The following C1orf87 variants were observed in gnomAD, a reference collection of about 807,000 sequenced individuals.
C1orf87 encodes chromosome 1 open reading frame 87.
In C1orf87, 58 loss-of-function variants were observed where a neutral mutation model predicts 60.5. The observed-to-expected ratio is 0.96, with a 90% CI of 0.78 to 1.19. The LOEUF (loss-of-function observed/expected upper bound fraction) is 1.19, where lower values mean the gene tolerates loss of function less well. Ranked by LOEUF, C1orf87 falls within the 50% of genes most tolerant of loss-of-function variation. The pLI is 0.00. For missense variants in C1orf87, 673 were observed against 638.6 expected, an observed-to-expected ratio of 1.05 and a Z score of -0.58; for synonymous variants, 236 against 227.4, an observed-to-expected ratio of 1.04 and a Z score of -0.34.
chr1:60,006,179 G>A (rs1645044066), intron 9 of C1orf87, among the ~76,000 whole-genome samples: 2 of 152,174 alleles, frequency 1.3e-5, no homozygotes, highest in South Asian at 4.1e-4. Flanking sequence ...GAATGTCCAA[G>A]TAGTTGAGGG....
At chr1:60,050,615 A>C (rs1179488810) in intron 3 of C1orf87, among the ~76,000 whole-genome samples, 1 of 151,490 alleles carries the variant, frequency 6.6e-6, no homozygotes, top group Non-Finnish European at 1.5e-5. Flanking sequence ...TTTTCTAAGT[A>C]ATATGCCTGT....
intron 9 of C1orf87, among the ~76,000 whole-genome samples, chr1:60,003,388 G>A (rs1000807590): frequency 2.0e-5 from 3 of 151,974 alleles, no homozygotes; most frequent in African/African-American, 4.8e-5. Flanking sequence ...GAGTTAGTGG[G>A]TGCAGCGCAC....
chr1:60,006,890 G>T (rs1183862079), intron 9 of C1orf87, among the ~76,000 whole-genome samples: 1 of 151,120 alleles, frequency 6.6e-6, no homozygotes, highest in East Asian at 1.9e-4. Flanking sequence ...GTTAGATGTT[G>T]TCACCATTTC....
At chr1:60,068,925 T>G (rs1325478756) in intron 2 of C1orf87, among the ~76,000 whole-genome samples, 2 of 152,212 alleles carry the variant, frequency 1.3e-5, no homozygotes, top group Non-Finnish European at 2.9e-5. Context: ...AGCATGGGCC[T>G]TTAGATTTGG....
intron 7 of C1orf87, among the ~76,000 whole-genome samples, chr1:60,029,645 T>TG (rs1266857033): frequency 1.4e-5 from 2 of 144,966 alleles, no homozygotes; most frequent in East Asian, 4.1e-4. Flanking sequence ...AAGTTTTTTT[T>TG]TTTTTTTTTT....
chr1:60,032,541 A>G (rs1221166006), intron 7 of C1orf87, among the ~76,000 whole-genome samples: 1 of 148,562 alleles, frequency 6.7e-6, no homozygotes, highest in African/African-American at 2.5e-5. Flanking sequence ...AGGTTCAAGC[A>G]ATTCTCCTGC....
At chr1:60,046,574 G>T (rs1324483941) in intron 3 of C1orf87, among the ~76,000 whole-genome samples, 3 of 151,304 alleles carry the variant, frequency 2.0e-5, no homozygotes, top group Non-Finnish European at 4.4e-5. Context: ...AAGTAGTTAG[G>T]ACTAGAGGTG....
intron 3 of C1orf87, among the ~76,000 whole-genome samples, chr1:60,047,462 T>A (rs1035611972): frequency 6.6e-6 from 1 of 152,208 alleles, no homozygotes; most frequent in Non-Finnish European, 1.5e-5. Flanking sequence ...GCTTTGTATC[T>A]TCATTGCTTT....
chr1:60,055,636 G>T (rs991648237), intron 2 of C1orf87, among the ~76,000 whole-genome samples, 198 bp from the exon 3 acceptor site: 2 of 152,064 alleles, frequency 1.3e-5, no homozygotes, highest in Non-Finnish European at 2.9e-5. Flanking sequence ...ATCTTTGCAG[G>T]CTTTATCTTT....
chr1:60,027,711 T>G (rs1645209209), intron 7 of C1orf87, among the ~76,000 whole-genome samples: 1 of 146,026 alleles, frequency 6.8e-6, no homozygotes, highest in Non-Finnish European at 1.5e-5. Context: ...CAGGGAAGCT[T>G]AAAAGAGGGG....
At chr1:60,008,008 T>C (rs963928439) in intron 9 of C1orf87, among the ~76,000 whole-genome samples, 4 of 151,874 alleles carry the variant, frequency 2.6e-5, no homozygotes, top group African/African-American at 9.7e-5. Flanking sequence ...AGCTAAAGAA[T>C]AGACAGAAAA....
Position 60,065,393 on chromosome 1 carries a change from A to C in C1orf87, c.107+7144T>G, listed in dbSNP as rs74085895. 8.9e-3 allele frequency among the ~76,000 whole-genome samples: 1,356 copies of C among 152,080 alleles called. 30 individuals carry two copies. Among genetic ancestry groups the C allele is most frequent in the African/African-American group, 0.031 (1,294 of 41,450 alleles). On this transcript the variant is annotated intron_variant, in intron 2 of 11. Transcript: ENST00000371201. ...AGCTCACTGGTAGCTAACCTGGGAT[A>C]ATTCTCATTGCATAATTCTAGCTGC... is the stretch of plus-strand genomic sequence containing the variant.
At chr1:60,072,797 A>T (rs936100354) in intron 1 of C1orf87, 127 bp from the exon 2 acceptor site, 1 of 548,094 alleles carries the variant, frequency 1.8e-6, no homozygotes, top group East Asian at 3.0e-5. Context: ...CTCACTTAAC[A>T]CTCCTAACAA....
At position 60,025,408 on chromosome 1, in the gene C1orf87, C is replaced by T. The variant is rs762612884; in HGVS notation, c.1120G>A (p.Glu374Lys). Residue 374 changes from glutamate to lysine, a missense_variant, in exon 8 of 12, where the codon GAA becomes AAA. Glu to Lys is a moderately conservative substitution (Grantham distance 56, BLOSUM62 1). Coordinates refer to ENST00000371201, the MANE Select transcript of C1orf87 (RefSeq NM_152377.3). ...TAATAAGAGTTGACTTACTTTATTTCATTTTGGTAACCCAAATCTTGATGG... is the reference window on the plus strand; with the variant it reads ...TAATAAGAGTTGACTTACTTTATTTTATTTTGGTAACCCAAATCTTGATGG... ...LNHQDLGYQN[E>K]IKWQNFVEML... 8.7e-6 allele frequency: 14 copies of T among 1,611,980 alleles called. No individual in the cohort carries two copies. Among genetic ancestry groups the T allele is most frequent in the Non-Finnish European group, 1.2e-5 (14 of 1,178,436 alleles).
At chr1:59,996,418 G>A (rs971899974) in intron 11 of C1orf87, among the ~76,000 whole-genome samples, 4 of 151,960 alleles carry the variant, frequency 2.6e-5, no homozygotes, top group South Asian at 2.1e-4. Flanking sequence ...TAGTCATCAA[G>A]GATCCTTCTG....
intron 11 of C1orf87, among the ~76,000 whole-genome samples, chr1:59,993,319 A>G (rs770894798): frequency 1.6e-4 from 25 of 152,290 alleles, no homozygotes; most frequent in Non-Finnish European, 3.4e-4. Flanking sequence ...AGGTAATTAA[A>G]TTGTGTGAAA....
chr1:60,012,249 C>T (rs1645091538), intron 8 of C1orf87, among the ~76,000 whole-genome samples: 1 of 151,408 alleles, frequency 6.6e-6, no homozygotes, highest in Non-Finnish European at 1.5e-5. Flanking sequence ...CATTACACAA[C>T]ATTTATTTTT....
At chr1:60,057,204 A>G (rs575687670) in intron 2 of C1orf87, among the ~76,000 whole-genome samples, 1 of 152,306 alleles carries the variant, frequency 6.6e-6, no homozygotes, top group Non-Finnish European at 1.5e-5. Flanking sequence ...ACAGTATTAA[A>G]TGCTGCTGAG....
Position 60,033,767 on chromosome 1 carries a change from C to G in C1orf87, c.864-126G>C, listed in dbSNP as rs1027266278. The G allele has an allele frequency of 6.6e-6, 7 of 1,056,922 alleles. No homozygotes were observed. The East Asian group carries it at 1.7e-4, about 26-fold the overall frequency. The allele number at this position is 1,056,922 out of a possible 1,614,324, so 65.5% of individuals were successfully genotyped here. A position where few individuals can be genotyped will look rare whatever the true frequency, so the allele number is the denominator to read the frequency against. ...ACCAGAGAGCCCATCTACGTAGGCC[C>G]TCTCAGTCTTGGGAACCTGGTCATG... is the stretch of plus-strand genomic sequence containing the variant. On this transcript the variant is annotated intron_variant, in intron 6 of 11. Transcript: ENST00000371201.
Sources: gnomAD v4.1 joint callset for allele counts (sites outside exome capture counted in the v4.1 genomes callset) on GRCh38, gnomAD v4.1.1 for gene constraint, MANE v1.5 for transcripts, NCBI Gene and HGNC (gene_info 2026-07-23, HGNC 2026-07-21) for gene names.